MIDN: variants seen among roughly 807,000 people sequenced by gnomAD.
The protein encoded by MIDN is midnolin, also known as midbrain nucleolar protein.
A neutral mutation model predicts 46.1 loss-of-function variants in MIDN; 26 were observed. The ratio of observed to expected loss-of-function variants is 0.56; its 90% CI spans 0.41 to 0.78. The LOEUF (loss-of-function observed/expected upper bound fraction) is 0.78. Among genes scored for constraint, MIDN ranks in the 30% least tolerant of loss-of-function variants. The pLI is 0.00. For missense variants in MIDN, 850 were observed against 771.8 expected, an observed-to-expected ratio of 1.10 and a Z score of -1.20; for synonymous variants, 432 against 343.3, an observed-to-expected ratio of 1.26 and a Z score of -2.86.
At chr19:1,249,382 T>C (rs1326610359) in intron 1 of MIDN, among the ~76,000 whole-genome samples, 2 of 149,950 alleles carry the variant, frequency 1.3e-5, no homozygotes, top group African/African-American at 4.9e-5. Flanking sequence ...GCGCTCCCGC[T>C]TCCGCTCGCG....
In MIDN at chr19:1,254,471, G is replaced by T. The variant is rs1441053430; in HGVS notation, c.818G>T (p.Cys273Phe). The part of the protein sequence containing the change: ...SFRSHAASTT[C>F]PEQMDCSPTA... ...CGGTCCCACGCAGCCTCCACCACCT[G>T]CCCGGAGGTGAGCCTGGGGAAGGGA... Residue 273 changes from cysteine (C) to phenylalanine (F), a missense_variant, in exon 6 of 9, where the codon TGC becomes TTC. By Grantham distance (205) the Cys-to-Phe change is radical. Transcript: ENST00000682408. 1 of 1,554,318 alleles carries T rather than the reference G, an allele frequency of 6.4e-7. No individual in the cohort carries two copies. The highest frequency in any genetic ancestry group is 2.4e-5 in the East Asian group (1 of 42,376).
intron 8 of MIDN, among the ~76,000 whole-genome samples, chr19:1,256,308 T>G (rs1342329803): frequency 1.3e-5 from 2 of 151,894 alleles, no homozygotes; most frequent in Non-Finnish European, 2.9e-5. Flanking sequence ...ATGGTGAAAC[T>G]CCGTTTCCAC....
chr19:1,250,256 G>C lies in MIDN; in HGVS notation c.-41G>C. 3 of 876,460 alleles carry C rather than the reference G, an allele frequency of 3.4e-6. No homozygotes were observed. Among genetic ancestry groups the C allele is most frequent in the Non-Finnish European group, 4.1e-6 (3 of 730,644 alleles). 54.3% of individuals were successfully genotyped at this position (876,460 alleles called of 1,614,324 possible). On this transcript the variant is annotated 5_prime_UTR_variant, in exon 2 of 9. Transcript: ENST00000682408. ...CTGTCCCGGAGGCGCGGCGAGGATT[G>C]GCGGCGCCCGCCGCCCCCAGCCCCC...
intron 1 of MIDN, among the ~76,000 whole-genome samples, chr19:1,249,674 C>T (rs1293716283): frequency 7.5e-6 from 1 of 132,968 alleles, no homozygotes; most frequent in Non-Finnish European, 1.7e-5. Context: ...CGCCTGGGCG[C>T]TGGGGGCGGG....
In MIDN at chr19:1,250,424, A is replaced by G. The variant is rs750594313; in HGVS notation, c.128A>G (p.Tyr43Cys). Reference protein sequence around the residue: ...LAIHSTTGTRYDLAVPPDETV... With the variant: ...LAIHSTTGTRCDLAVPPDETV... ...ATCCACAGCACCACGGGCACCCGCT[A>G]CGACCTGGCCGTGCCGCCCGACGAG... is the stretch of plus-strand genomic sequence containing the variant. Residue 43 changes from tyrosine (Y) to cysteine (C), a missense_variant, in exon 2 of 9, where the codon TAC becomes TGC. Coordinates refer to ENST00000682408, the MANE Select transcript of MIDN (RefSeq NM_001388306.1). The G allele has an allele frequency of 7.3e-7, 1 of 1,364,706 alleles. No individual in the cohort carries two copies. The allele number at this position is 1,364,706 out of a possible 1,614,324, so 84.5% of individuals were successfully genotyped here.
chr19:1,255,601 GC>G lies in MIDN; in HGVS notation c.1170del (p.Arg391GlufsTer177). 6.2e-7 allele frequency: 1 copy of G among 1,609,872 alleles called. No individual in the cohort carries two copies. On this transcript the variant is annotated frameshift_variant, in exon 8 of 9. Coordinates refer to ENST00000682408, the MANE Select transcript of MIDN (RefSeq NM_001388306.1). LOFTEE classifies it high-confidence loss of function. ...CCCGGCCTCACCGGCCCCCGACCTG[GC>G]CCCCAGAACTACCTCCTGCGAGAAG... ...CSPASPAPDL[A>X]PRTTSCEKLT...
At chr19:1,251,995 A>G in intron 4 of MIDN, 94 bp downstream of exon 4, 1 of 1,084,142 alleles carries the variant, frequency 9.2e-7, no homozygotes, top group Non-Finnish European at 1.4e-6. Flanking sequence ...TGCTCCCAGG[A>G]GGCTGGGGGA....
At position 1,250,398 on chromosome 19, in the gene MIDN, C is replaced by T. The variant is rs3746107; in HGVS notation, c.102C>T (p.Ala34=). Residue 34 remains alanine, a synonymous_variant, in exon 2 of 9, where the codon GCC becomes GCT. Transcript: ENST00000682408. ...PAAEAAPMSL[A]IHSTTGTRYD... The stretch of plus-strand genomic sequence containing the variant: ...CCGAGGCGGCGCCCATGAGCCTCGC[C>T]ATCCACAGCACCACGGGCACCCGCT... 51,870 of 1,295,770 alleles carry T rather than the reference C, an allele frequency of 0.04. 8,178 individuals carry two copies. In the African/African-American group the frequency reaches 0.48, roughly 12 times the overall value. 80.3% of individuals were successfully genotyped at this position (1,295,770 alleles called of 1,614,324 possible). A position where few individuals can be genotyped will look rare whatever the true frequency, so the allele number is the denominator to read the frequency against.
In MIDN at chr19:1,250,326, C is replaced by G. The variant is rs1036893755; in HGVS notation, c.30C>G (p.Ser10Arg). The change falls in exon 2 of 9, where the codon AGC (serine) becomes AGG (arginine). Residue 10 changes from serine (S) to arginine (R), a missense_variant. Ser to Arg is a moderately radical substitution (Grantham distance 110, BLOSUM62 -1). Transcript: ENST00000682408. MEPQPGGAR[S>R]CRRGAPGGAC... ...AGCCGCAGCCCGGCGGCGCCCGGAG[C>G]TGCCGGCGCGGGGCCCCCGGCGGCG... 9.9e-7 allele frequency: 1 copy of G among 1,009,986 alleles called. No homozygotes were observed. The highest frequency in any genetic ancestry group is 1.8e-5 in the African/African-American group (1 of 57,122). The allele number at this position is 1,009,986 out of a possible 1,614,324, so 62.6% of individuals were successfully genotyped here. A position where few individuals can be genotyped will look rare whatever the true frequency, so the allele number is the denominator to read the frequency against.
chr19:1,249,524 C>A (rs1000010342), intron 1 of MIDN, among the ~76,000 whole-genome samples: 1 of 149,918 alleles, frequency 6.7e-6, no homozygotes, highest in Admixed American at 6.6e-5. Context: ...GACCCGTCTC[C>A]AGACCTGGGT....
intron 2 of MIDN, chr19:1,251,297 C>T: frequency 2.0e-6 from 1 of 489,168 alleles, no homozygotes; most frequent in Non-Finnish European, 3.6e-6. Flanking sequence ...GAGAAAGTGC[C>T]TGGTTGGGGT....
chr19:1,254,226 C>T lies in MIDN; in HGVS notation c.573C>T (p.His191=), dbSNP rs764798085. 1.5e-5 allele frequency: 24 copies of T among 1,597,928 alleles called. No homozygotes were observed. Among genetic ancestry groups the T allele is most frequent in the Non-Finnish European group, 1.7e-5 (20 of 1,177,860 alleles). Residue 191 remains histidine, a synonymous_variant, in exon 6 of 9, where the codon CAC becomes CAT. Transcript: ENST00000682408. The stretch of plus-strand genomic sequence containing the variant: ...CACTGGCCTTGCGTGTGGGCGACCA[C>T]ATGATGTTCGTGCAGCTGCAGCTCG... The part of the protein sequence containing the change: ...PLTLALRVGD[H]MMFVQLQLAA...
At chr19:1,251,045 G>A (rs2081120419) in intron 2 of MIDN, among the ~76,000 whole-genome samples, 1 of 151,982 alleles carries the variant, frequency 6.6e-6, no homozygotes, top group Non-Finnish European at 1.5e-5. Flanking sequence ...TCCCAGTGGA[G>A]GGGCCCATCG....
intron 4 of MIDN, among the ~76,000 whole-genome samples, chr19:1,253,057 G>C (rs1280108054): frequency 1.3e-5 from 2 of 151,058 alleles, no homozygotes; most frequent in African/African-American, 4.9e-5. Context: ...AGGGGGTGCT[G>C]GGCGGAGACA....
chr19:1,253,932 T>C, intron 4 of MIDN, 22 bp from the exon 5 acceptor site: 4 of 1,378,142 alleles, frequency 2.9e-6, no homozygotes, highest in Non-Finnish European at 3.7e-6. Context: ...GGCCCCCGTC[T>C]GACCCGCCTC....
At chr19:1,253,875 C>T (rs1452928398) in intron 4 of MIDN, 79 bp from the exon 5 acceptor site, 15 of 1,244,520 alleles carry the variant, frequency 1.2e-5, no homozygotes, top group Non-Finnish European at 1.4e-5. Flanking sequence ...CCCCCTCTGG[C>T]CTCAGTTTCC....
chr19:1,253,792 C>T (rs952289280), intron 4 of MIDN, 162 bp from the exon 5 acceptor site: 4 of 421,054 alleles, frequency 9.5e-6, no homozygotes, highest in African/African-American at 6.5e-5. Context: ...CAGAGAGGAT[C>T]TAGGGGCCCA....
chr19:1,251,552 C>T lies in MIDN; in HGVS notation c.234-10C>T, dbSNP rs757193566. ...CCGCGGAGTCTCATGCTCTTCCTTC[C>T]TCCCCCCAGCCGGCTCAGTTCGGGG... is the stretch of plus-strand genomic sequence containing the variant. On this transcript the variant is annotated splice_polypyrimidine_tract_variant and intron_variant, in intron 2 of 8. Transcript: ENST00000682408. 5.6e-6 allele frequency: 9 copies of T among 1,606,940 alleles called. No individual in the cohort carries two copies. Among genetic ancestry groups the T allele is most frequent in the Non-Finnish European group, 7.6e-6 (9 of 1,177,720 alleles).
At chr19:1,256,196 G>A (rs1437419380) in intron 8 of MIDN, among the ~76,000 whole-genome samples, 6 of 152,244 alleles carry the variant, frequency 3.9e-5, no homozygotes, top group African/African-American at 1.4e-4. Context: ...TTAAAAGTGG[G>A]AAACTGGCCG....
Sources: allele counts gnomAD v4.1 joint callset (sites outside exome capture counted in the v4.1 genomes callset), GRCh38; gene constraint gnomAD v4.1.1; transcripts MANE v1.5; gene names NCBI Gene and HGNC (gene_info 2026-07-23, HGNC 2026-07-21).